Variants in SVBP observed in about 807,000 individuals in gnomAD.
SVBP encodes small vasohibin binding protein.
A neutral mutation model predicts 9.2 loss-of-function variants in SVBP; 9 were observed. That is an observed-to-expected ratio of 0.98 (90% CI 0.59 to 1.71). The LOEUF (loss-of-function observed/expected upper bound fraction) is 1.71, where lower values mean the gene tolerates loss of function less well. Among genes scored for constraint, SVBP ranks in the 40% most tolerant of loss-of-function variants. SVBP has a pLI of 0.00. For synonymous variants in SVBP, 27 were observed against 23.9 expected (o/e 1.13, Z -0.37); for missense variants, 63 against 73.2 (o/e 0.86, Z 0.51).
At chr1:42,813,696 CT>C (rs1654129020) in intron 2 of SVBP, 1 of 533,220 alleles carries the variant, frequency 1.9e-6, no homozygotes, top group Admixed American at 1.9e-5. Flanking sequence ...ATAGATAGCT[CT>C]GTTCCTCCAG....
At chr1:42,816,795 C>G (rs906769784) in intron 1 of SVBP, 5 of 443,832 alleles carry the variant, frequency 1.1e-5, no homozygotes, top group African/African-American at 1.0e-4. Context: ...CCACTTTGAG[C>G]CTTAGTTTTC....
Position 42,808,352 on chromosome 1 carries a change from TATA to T in SVBP, c.115-855_115-853del, listed in dbSNP as rs201350189. Among the ~76,000 whole-genome samples the T allele has an allele frequency of 9.4e-3, 1,349 of 143,586 alleles. 58 individuals carry two copies. In the East Asian group the frequency reaches 0.1, roughly 11 times the overall value. 94.2% of individuals were successfully genotyped at this position (143,586 alleles called of 152,430 possible). On this transcript the variant is annotated intron_variant, in intron 2 of 2. Coordinates refer to ENST00000372521, the MANE Select transcript of SVBP (RefSeq NM_199342.4). The stretch of plus-strand genomic sequence containing the variant: ...CAGCCTCCCAAAGTGTATACATATA[TATA>T]ATAATGGTATATATACTATATAGTA...
At chr1:42,817,012 TG>T in intron 1 of SVBP, 177 bp downstream of exon 1, 1 of 328,826 alleles carries the variant, frequency 3.0e-6, no homozygotes, top group Non-Finnish European at 4.4e-6. Context: ...CAGCCGCTCC[TG>T]GGGCCAGGGG....
chr1:42,807,378 A>G lies in SVBP; in HGVS notation c.*36T>C. On this transcript the variant is annotated 3_prime_UTR_variant, in exon 3 of 3. Transcript: ENST00000372521. ...CTTAAAACTGGCAACACCCTCTCAA[A>G]GCTCTCAGGATCCCATCTGGTTTGA... is the stretch of plus-strand genomic sequence containing the variant. 6.5e-7 allele frequency: 1 copy of G among 1,530,714 alleles called. No homozygotes were observed. Among genetic ancestry groups the G allele is most frequent in the South Asian group, 1.1e-5 (1 of 89,228 alleles). 94.8% of individuals were successfully genotyped at this position (1,530,714 alleles called of 1,614,324 possible). A position where few individuals can be genotyped will look rare whatever the true frequency, so the allele number is the denominator to read the frequency against.
intron 1 of SVBP, 21 bp from the exon 2 acceptor site, chr1:42,816,601 C>G: frequency 8.1e-7 from 1 of 1,231,470 alleles, no homozygotes; most frequent in African/African-American, 1.5e-5. Context: ...CAGAAAGAGG[C>G]AGATCTTCAA....
intron 2 of SVBP, 173 bp downstream of exon 2, chr1:42,816,258 G>A: frequency 9.5e-6 from 5 of 527,470 alleles, no homozygotes; most frequent in Non-Finnish European, 1.3e-5. Flanking sequence ...TGTGATTCTG[G>A]GCTGCCACCT....
In SVBP at chr1:42,807,333, C is replaced by T; in HGVS notation, c.*81G>A. 1.0e-6 allele frequency: 1 copy of T among 966,282 alleles called. No individual in the cohort carries two copies. Among genetic ancestry groups the T allele is most frequent in the Non-Finnish European group, 1.7e-6 (1 of 594,998 alleles). The allele number at this position is 966,282 out of a possible 1,614,324, so 59.9% of individuals were successfully genotyped here. A position where few individuals can be genotyped will look rare whatever the true frequency, so the allele number is the denominator to read the frequency against. On this transcript the variant is annotated 3_prime_UTR_variant, in exon 3 of 3. Transcript: ENST00000372521. ...TGTCTTCTGGTCTAGTTCTGTAAGG[C>T]TCCAAATGGGCCATCTCAGCTTAAA...
intron 2 of SVBP, among the ~76,000 whole-genome samples, chr1:42,810,117 T>TACATACATACACACACACACACAC (rs145161644): frequency 8.9e-6 from 1 of 112,644 alleles, no homozygotes; most frequent in Non-Finnish European, 1.8e-5. Context: ...CACACACACA[T>TACATACATACACACACACACACAC]ACATACATAC....
At chr1:42,807,897 A>G (rs1347637848) in intron 2 of SVBP, among the ~76,000 whole-genome samples, 2 of 152,074 alleles carry the variant, frequency 1.3e-5, no homozygotes, top group African/African-American at 2.4e-5. Context: ...ATCATGGGAC[A>G]TGACAGGTGG....
intron 2 of SVBP, 181 bp downstream of exon 2, chr1:42,816,250 T>G (rs1557600540): frequency 1.9e-6 from 1 of 521,198 alleles, no homozygotes; most frequent in Admixed American, 3.8e-5. Context: ...ACTTGGCATG[T>G]GATTCTGGGC....
At chr1:42,812,136 G>A (rs547342637) in intron 2 of SVBP, among the ~76,000 whole-genome samples, 1 of 151,564 alleles carries the variant, frequency 6.6e-6, no homozygotes, top group South Asian at 2.1e-4. Flanking sequence ...ACATTACAGT[G>A]GTATAAATTT....
intron 1 of SVBP, 67 bp from the exon 2 acceptor site, chr1:42,816,647 C>T (rs1418060817): frequency 2.3e-5 from 18 of 791,258 alleles, no homozygotes; most frequent in Non-Finnish European, 3.8e-5. Flanking sequence ...GCCAGTTACT[C>T]CTCTAATCCT....
intron 2 of SVBP, among the ~76,000 whole-genome samples, chr1:42,808,603 C>CTA (rs1204246989): frequency 1.4e-5 from 2 of 146,192 alleles, no homozygotes; most frequent in East Asian, 2.0e-4. Context: ...TATATATAGC[C>CTA]TATATATATA....
chr1:42,808,589 G>A (rs896869151), intron 2 of SVBP, among the ~76,000 whole-genome samples: 1 of 146,548 alleles, frequency 6.8e-6, no homozygotes, highest in Non-Finnish European at 1.5e-5. Context: ...TAGTATATAT[G>A]TAGTATATAT....
intron 2 of SVBP, among the ~76,000 whole-genome samples, chr1:42,809,710 C>T (rs1473003422): frequency 1.3e-5 from 2 of 151,986 alleles, no homozygotes; most frequent in African/African-American, 2.4e-5. Context: ...CTAACACTAC[C>T]GCAAATGATT....
intron 2 of SVBP, among the ~76,000 whole-genome samples, chr1:42,811,074 G>C (rs532774348): frequency 1.3e-5 from 2 of 152,306 alleles, no homozygotes; most frequent in South Asian, 4.1e-4. Context: ...GGGAGGTGGA[G>C]GTTGCACTGA....
chr1:42,810,097 C>CACACACACACACACACATACAT (rs1654046770), intron 2 of SVBP, among the ~76,000 whole-genome samples: 2 of 29,602 alleles, frequency 6.8e-5, no homozygotes, highest in Admixed American at 4.0e-4. Flanking sequence ...ATACTTTTAA[C>CACACACACACACACACATACAT]ACACACACAC....
At chr1:42,810,115 CATACATACAT>C (rs1654048439) in intron 2 of SVBP, among the ~76,000 whole-genome samples, 1 of 120,214 alleles carries the variant, frequency 8.3e-6, no homozygotes, top group African/African-American at 3.2e-5. Flanking sequence ...CACACACACA[CATACATACAT>C]ACACACACAC....
At chr1:42,815,402 CAA>C (rs60301880) in intron 2 of SVBP, among the ~76,000 whole-genome samples, 2 of 142,256 alleles carry the variant, frequency 1.4e-5, no homozygotes, top group African/African-American at 2.6e-5. Flanking sequence ...GACTCCATCT[CAA>C]AAAAAAAAAG....
Sources: allele counts gnomAD v4.1 joint callset (sites outside exome capture counted in the v4.1 genomes callset), GRCh38; gene constraint gnomAD v4.1.1; transcripts MANE v1.5; gene names NCBI Gene and HGNC (gene_info 2026-07-23, HGNC 2026-07-21).